Variants in TMEM132B observed in about 807,000 individuals in gnomAD.
The protein encoded by TMEM132B is transmembrane protein 132B.
TMEM132B carries 18 observed loss-of-function variants against 90.8 expected under a neutral mutation model. The observed-to-expected ratio is 0.20, with a 90% CI of 0.14 to 0.29. The LOEUF (loss-of-function observed/expected upper bound fraction) is 0.29, where lower values mean the gene tolerates loss of function less well. Ranked by LOEUF, TMEM132B falls within the 10% of genes least tolerant of loss-of-function variation. TMEM132B has a pLI of 1.00. For missense variants in TMEM132B, 1,096 were observed against 1,326.8 expected (o/e 0.83, Z 2.70); for synonymous variants, 504 against 523.3 (o/e 0.96, Z 0.50).
Position 125,350,181 on chromosome 12 carries a change from G to A in TMEM132B, c.797G>A (p.Ser266Asn), listed in dbSNP as rs1267036494. 1.2e-6 allele frequency: 2 copies of A among 1,614,104 alleles called. No individual in the cohort carries two copies. Among genetic ancestry groups the A allele is most frequent in the African/African-American group, 1.3e-5 (1 of 74,932 alleles). Residue 266 changes from serine to asparagine, a missense_variant, in exon 2 of 9, where the codon AGT becomes AAT. Physicochemically the swap from Ser to Asn is conservative, Grantham distance 46. Transcript: ENST00000682704. ...QAFPARERIG[S>N]VVVYPTQDDL... The stretch of plus-strand genomic sequence containing the variant: ...TTTCCAGCCCGAGAGAGGATTGGGA[G>A]TGTGGTGGTCTACCCAACCCAAGAT...
chr12:125,580,343 A>G (rs1885027365), intron 4 of TMEM132B, among the ~76,000 whole-genome samples: 1 of 152,252 alleles, frequency 6.6e-6, no homozygotes, highest in Admixed American at 6.5e-5. Flanking sequence ...TTGCCTGGCA[A>G]GTATCTCTAG....
At chr12:125,561,272 AC>A (rs1884519852) in intron 4 of TMEM132B, among the ~76,000 whole-genome samples, 1 of 152,110 alleles carries the variant, frequency 6.6e-6, no homozygotes, top group Non-Finnish European at 1.5e-5. Flanking sequence ...TAACACAAGA[AC>A]AGAAAACCAA....
Position 125,359,410 on chromosome 12 carries a change from A to T in TMEM132B, c.959+9067A>T, listed in dbSNP as rs546746723. On this transcript the variant is annotated intron_variant, in intron 2 of 8. Transcript: ENST00000682704. ...ATTATATGTAATCTATAATATTCTT[A>T]TAACAATCCTGTTAAGATGTTATAT... Among the ~76,000 whole-genome samples, 142 of 152,358 alleles carry T rather than the reference A, an allele frequency of 9.3e-4. 1 individual carries two copies. The highest frequency in any genetic ancestry group is 3.0e-3 in the African/African-American group (124 of 41,580).
intron 3 of TMEM132B, among the ~76,000 whole-genome samples, chr12:125,449,616 T>C (rs1387166359): frequency 6.6e-6 from 1 of 152,182 alleles, no homozygotes; most frequent in East Asian, 1.9e-4. Context: ...TTCTGTTTAA[T>C]TTGCTCATCT....
chr12:125,220,270 C>T (rs573031158), intron 1 of TMEM132B, among the ~76,000 whole-genome samples: 34 of 152,314 alleles, frequency 2.2e-4, no homozygotes, highest in Non-Finnish European at 2.1e-4. Flanking sequence ...GAAGGGGCCT[C>T]CTTCCTTCCT....
Position 125,490,418 on chromosome 12 carries a change from T to C in TMEM132B, c.1107-29021T>C, listed in dbSNP as rs1356723433. Among the ~76,000 whole-genome samples, 1 of 152,158 alleles carries C rather than the reference T, an allele frequency of 6.6e-6. No individual in the cohort carries two copies. Among genetic ancestry groups the C allele is most frequent in the East Asian group, 1.9e-4 (1 of 5,194 alleles). On this transcript the variant is annotated intron_variant, in intron 3 of 8. Coordinates refer to ENST00000682704, the MANE Select transcript of TMEM132B (RefSeq NM_001366854.1). The surrounding 1 kb of genome is among the most constrained non-coding windows in gnomAD (Gnocchi z 4.2). The stretch of plus-strand genomic sequence containing the variant: ...GTATTCAAACATATGTACAAGTTCT[T>C]TGGATACTCCCCTTTAAGAGGTGAA...
intron 1 of TMEM132B, among the ~76,000 whole-genome samples, chr12:125,216,942 C>T (rs1000208367): frequency 1.3e-5 from 2 of 152,234 alleles, no homozygotes; most frequent in East Asian, 1.9e-4. Flanking sequence ...GCGATCTTGG[C>T]GCTTCACAAG....
At chr12:125,528,654 A>G (rs1883559195) in intron 4 of TMEM132B, among the ~76,000 whole-genome samples, 1 of 152,240 alleles carries the variant, frequency 6.6e-6, no homozygotes, top group Non-Finnish European at 1.5e-5. Context: ...CCTTTGAACA[A>G]TGCAGGCATT....
At chr12:125,574,881 A>G (rs1302530353) in intron 4 of TMEM132B, among the ~76,000 whole-genome samples, 2 of 151,374 alleles carry the variant, frequency 1.3e-5, no homozygotes, top group African/African-American at 4.9e-5. Flanking sequence ...TTCCCAACAC[A>G]TGAAATGCCA....
intron 5 of TMEM132B, among the ~76,000 whole-genome samples, chr12:125,611,377 CTCTATTTTTT>C (rs374982375): frequency 2.1e-3 from 319 of 151,314 alleles, no homozygotes; most frequent in African/African-American, 7.3e-3. Context: ...GCTGATTTTT[CTCTATTTTTT>C]TCTATGATAT....
At chr12:125,638,592 G>A (rs1037699175) in intron 5 of TMEM132B, among the ~76,000 whole-genome samples, 4 of 151,776 alleles carry the variant, frequency 2.6e-5, no homozygotes, top group African/African-American at 7.3e-5. Flanking sequence ...CATACTACCT[G>A]ATTCTGTAGC....
Position 125,619,427 on chromosome 12 carries a change from C to T in TMEM132B, c.1438-24649C>T, listed in dbSNP as rs571020137. Among the ~76,000 whole-genome samples the T allele has an allele frequency of 1.4e-3, 220 of 152,026 alleles. 1 individual carries two copies. Among genetic ancestry groups the T allele is most frequent in the African/African-American group, 4.7e-3 (196 of 41,452 alleles). On this transcript the variant is annotated intron_variant, in intron 5 of 8. Transcript: ENST00000682704. ...TCACCCAGGCTGGCATGCACTGACACGATCTCGGCTCACTGCAACTTCTGC... is the reference window on the plus strand; with the variant it reads ...TCACCCAGGCTGGCATGCACTGACATGATCTCGGCTCACTGCAACTTCTGC...
chr12:125,224,142 A>T (rs1419343071), intron 1 of TMEM132B, among the ~76,000 whole-genome samples: 1 of 152,168 alleles, frequency 6.6e-6, no homozygotes, highest in African/African-American at 2.4e-5. Context: ...ATGGCTGGAT[A>T]ATATTTCATT....
chr12:125,392,879 A>AGGTGCTGTT (rs1879065599), intron 2 of TMEM132B, among the ~76,000 whole-genome samples: 1 of 152,186 alleles, frequency 6.6e-6, no homozygotes, highest in Admixed American at 6.5e-5. Flanking sequence ...ATTGGATGTG[A>AGGTGCTGTT]GGTGCTGTTA....
chr12:125,568,778 G>C (rs1268701339), intron 4 of TMEM132B, among the ~76,000 whole-genome samples: 1 of 152,156 alleles, frequency 6.6e-6, no homozygotes, highest in Non-Finnish European at 1.5e-5. Flanking sequence ...GTCATGATTT[G>C]AGTGACCACA....
intron 1 of TMEM132B, among the ~76,000 whole-genome samples, chr12:125,203,627 C>G (rs572380142): frequency 6.6e-6 from 1 of 152,308 alleles, no homozygotes; most frequent in South Asian, 2.1e-4. Context: ...ATCCAGAACT[C>G]ATGATCTATT....
intron 3 of TMEM132B, among the ~76,000 whole-genome samples, chr12:125,472,229 C>G (rs1354791833): frequency 2.0e-5 from 3 of 152,144 alleles, no homozygotes; most frequent in African/African-American, 2.4e-5. Context: ...TAGACACAGC[C>G]ACAGCAGTGC....
In TMEM132B at chr12:125,644,282, G is replaced by A. The variant is rs769195358; in HGVS notation, c.1643+1G>A. The A allele has an allele frequency of 1.2e-6, 2 of 1,613,948 alleles. No homozygotes were observed. The highest frequency in any genetic ancestry group is 2.7e-5 in the African/African-American group (2 of 74,908). ...GGATCCCGGTTGCTGCCAACAGAAG[G>A]TGAGGAATCAAAGAGAAGGCTGTGG... On this transcript the variant is annotated splice_donor_variant, in intron 6 of 8. Coordinates refer to ENST00000682704, the MANE Select transcript of TMEM132B (RefSeq NM_001366854.1). LOFTEE classifies it high-confidence loss of function.
intron 5 of TMEM132B, among the ~76,000 whole-genome samples, chr12:125,615,820 G>A (rs1349873647): frequency 6.6e-6 from 1 of 152,116 alleles, no homozygotes; most frequent in Non-Finnish European, 1.5e-5. Flanking sequence ...CTTCCACTTT[G>A]CCTTCTGAAG....
Sources: gnomAD v4.1 joint callset for allele counts (sites outside exome capture counted in the v4.1 genomes callset) on GRCh38, gnomAD v4.1.1 for gene constraint, Gnocchi (gnomAD v3.1) non-coding constraint, MANE v1.5 for transcripts, NCBI Gene and HGNC (gene_info 2026-07-23, HGNC 2026-07-21) for gene names.